HTR6: variants seen among roughly 807,000 people sequenced by gnomAD.
The protein encoded by HTR6 is 5-hydroxytryptamine receptor 6.
Under a neutral mutation model 17.4 loss-of-function variants are expected in HTR6, and 15 were observed. The ratio of observed to expected loss-of-function variants is 0.86; its 90% confidence interval spans 0.58 to 1.33. The LOEUF is 1.33. Among genes scored for constraint, HTR6 ranks in the 40% most tolerant of loss-of-function variants. HTR6 has a pLI of 0.00. For synonymous variants in HTR6, 326 were observed against 295.5 expected (o/e 1.10, Z -1.06); for missense variants, 578 against 616.0 (o/e 0.94, Z 0.65).
rs2095097879 is a variant in HTR6, at chr1:19,678,941, C to A, written c.896C>A (p.Pro299Gln). 3.7e-6 allele frequency: 6 copies of A among 1,612,202 alleles called. No homozygotes were observed. Among genetic ancestry groups the A allele is most frequent in the Non-Finnish European group, 5.1e-6 (6 of 1,178,726 alleles). The stretch of plus-strand genomic sequence containing the variant: ...CAGGCCGTGTGCGACTGCATCTCCC[C>A]AGGCCTCTTCGATGTCCTCACATGG... ...IVQAVCDCIS[P>Q]GLFDVLTWLG... The change falls in exon 3 of 3, where the codon CCA becomes CAA. Residue 299 changes from proline to glutamine, a missense_variant. Transcript: ENST00000289753.
At position 19,678,916 on chromosome 1, in the gene HTR6, C is replaced by A. The variant is rs200855338; in HGVS notation, c.874-3C>A. Reference sequence around the variant, plus strand: ...CCAGGCATGATGCATCCCCTCCCCCCAGGCCGTGTGCGACTGCATCTCCCC... The same window carrying A: ...CCAGGCATGATGCATCCCCTCCCCCAAGGCCGTGTGCGACTGCATCTCCCC... On this transcript the variant is annotated splice_region_variant and splice_polypyrimidine_tract_variant and intron_variant, in intron 2 of 2. Coordinates refer to ENST00000289753, the MANE Select transcript of HTR6 (RefSeq NM_000871.3). The A allele has an allele frequency of 5.7e-6, 9 of 1,591,290 alleles. No individual in the cohort carries two copies. Among genetic ancestry groups the A allele is most frequent in the East Asian group, 2.2e-5 (1 of 44,498 alleles).
Position 19,679,569 on chromosome 1 carries a change from G to A in HTR6, c.*201G>A. The A allele has an allele frequency of 1.4e-6, 1 of 712,598 alleles. No individual in the cohort carries two copies. The highest frequency in any genetic ancestry group is 2.2e-6 in the Non-Finnish European group (1 of 453,134). 44.1% of individuals were successfully genotyped at this position (712,598 alleles called of 1,614,324 possible). ...GGATCATAGCTGACTCAGATATCGT[G>A]TTCTGAAGGATGCTCCACTGTTGAG... On this transcript the variant is annotated 3_prime_UTR_variant, in exon 3 of 3. Coordinates refer to ENST00000289753, the MANE Select transcript of HTR6 (RefSeq NM_000871.3). The surrounding 1 kb of genome is among the most constrained non-coding windows in gnomAD (Gnocchi z 4.9).
chr1:19,672,092 A>G (rs551717150), intron 1 of HTR6, among the ~76,000 whole-genome samples: 13 of 151,760 alleles, frequency 8.6e-5, no homozygotes, highest in Admixed American at 3.9e-4. Context: ...GAGATGCAGC[A>G]TGGGCCACTG....
In HTR6 at chr1:19,680,917, A is replaced by G. The variant is rs2095101742; in HGVS notation, c.*1549A>G. Among the ~76,000 whole-genome samples the G allele has an allele frequency of 6.6e-6, 1 of 152,048 alleles. No homozygotes were observed. Among genetic ancestry groups the G allele is most frequent in the Non-Finnish European group, 1.5e-5 (1 of 68,000 alleles). The stretch of plus-strand genomic sequence containing the variant: ...CCATGGTGCTTGCGGGGCTTCCCCT[A>G]TCCCCCAGGTCTGCCCAAGGGGACT... On this transcript the variant is annotated 3_prime_UTR_variant, in exon 3 of 3. Transcript: ENST00000289753.
chr1:19,674,846 T>C (rs961334566), intron 1 of HTR6, among the ~76,000 whole-genome samples: 3 of 152,254 alleles, frequency 2.0e-5, no homozygotes, highest in African/African-American at 7.2e-5. Context: ...TGTGTGATTG[T>C]TGGCTGGAAG....
Position 19,678,911 on chromosome 1 carries a change from C to T in HTR6, c.874-8C>T, listed in dbSNP as rs1192682600. ...TGGGACCAGGCATGATGCATCCCCT[C>T]CCCCCAGGCCGTGTGCGACTGCATC... On this transcript the variant is annotated splice_region_variant and splice_polypyrimidine_tract_variant and intron_variant, in intron 2 of 2. Transcript: ENST00000289753. The T allele has an allele frequency of 3.2e-6, 5 of 1,584,042 alleles. No individual in the cohort carries two copies. Among genetic ancestry groups the T allele is most frequent in the African/African-American group, 2.7e-5 (2 of 74,490 alleles).
At chr1:19,671,785 A>G (rs554223275) in intron 1 of HTR6, among the ~76,000 whole-genome samples, 1 of 152,208 alleles carries the variant, frequency 6.6e-6, no homozygotes, top group South Asian at 2.1e-4. Flanking sequence ...TGAGCATTTC[A>G]TCCCCTCTCC....
Position 19,666,454 on chromosome 1 carries a change from C to T in HTR6, c.701C>T (p.Ser234Leu), listed in dbSNP as rs2100467220. ...SLTTGMASQA[S>L]ETLQVPRTPR... ...ACCACCGGCATGGCCAGTCAGGCCT[C>T]GGAGACGCTGCAGGTACCTGGGGTG... Residue 234 changes from serine to leucine, a missense_variant, in exon 1 of 3, where the codon TCG becomes TTG. Physicochemically the swap from Ser to Leu is moderately radical, Grantham distance 145. Transcript: ENST00000289753. The surrounding 1 kb of genome is among the most constrained non-coding windows in gnomAD (Gnocchi z 4.5). 4 of 1,608,220 alleles carry T rather than the reference C, an allele frequency of 2.5e-6. No individual in the cohort carries two copies. Among genetic ancestry groups the T allele is most frequent in the Non-Finnish European group, 3.4e-6 (4 of 1,177,910 alleles).
In HTR6 at chr1:19,675,778, T is replaced by G. The variant is rs971985296; in HGVS notation, c.715-2789T>G. 5.3e-5 allele frequency among the ~76,000 whole-genome samples: 8 copies of G among 152,164 alleles called. 2 individuals are homozygous for G. The highest frequency in any genetic ancestry group is 6.5e-5 in the Admixed American group (1 of 15,286). On this transcript the variant is annotated intron_variant, in intron 1 of 2. Transcript: ENST00000289753. ...GTCTATTCCCATTGATGGCAGCAAT[T>G]TGAAGGTGTGGCAGGTCTTAGGAGA...
Position 19,678,967 on chromosome 1 carries a change from C to A in HTR6, c.922C>A (p.Leu308Met), listed in dbSNP as rs1015309637. The A allele has an allele frequency of 1.9e-6, 3 of 1,614,042 alleles. No individual in the cohort carries two copies. The highest frequency in any genetic ancestry group is 1.7e-5 in the Admixed American group (1 of 60,020). Reference sequence around the variant, plus strand: ...AGGCCTCTTCGATGTCCTCACATGGCTGGGTTACTGTAACAGCACCATGAA... The same window carrying A: ...AGGCCTCTTCGATGTCCTCACATGGATGGGTTACTGTAACAGCACCATGAA... ...SPGLFDVLTW[L>M]GYCNSTMNPI... The change falls in exon 3 of 3, where the codon CTG becomes ATG. Residue 308 changes from leucine to methionine, a missense_variant. Transcript: ENST00000289753.
intron 1 of HTR6, among the ~76,000 whole-genome samples, chr1:19,668,553 C>T (rs2095084298): frequency 6.6e-6 from 1 of 152,106 alleles, no homozygotes; most frequent in Non-Finnish European, 1.5e-5. Flanking sequence ...CCTCTTCCAC[C>T]ACCACCTCCA....
intron 1 of HTR6, among the ~76,000 whole-genome samples, chr1:19,672,900 C>T (rs2095089897): frequency 6.6e-6 from 1 of 152,286 alleles, no homozygotes; most frequent in South Asian, 2.1e-4. Flanking sequence ...GGCCTGGTGG[C>T]ACATACCTTT....
rs959036260 is a variant in HTR6 at position 19,666,438 on chromosome 1, A to T, written c.685A>T (p.Met229Leu). 5.0e-6 allele frequency: 8 copies of T among 1,611,876 alleles called. No individual in the cohort carries two copies. Among genetic ancestry groups the T allele is most frequent in the Non-Finnish European group, 6.8e-6 (8 of 1,179,334 alleles). The change falls in exon 1 of 3, where the codon ATG becomes TTG. Residue 229 changes from methionine to leucine, a missense_variant. Transcript: ENST00000289753. This position sits in a 1 kb window ranked among gnomAD's most constrained non-coding sequence, Gnocchi z 4.5. ...AVQVASLTTG[M>L]ASQASETLQV... is the part of the protein sequence containing the mutation. ...GCAGGTGGCCTCCCTCACCACCGGCATGGCCAGTCAGGCCTCGGAGACGCT... is the reference window on the plus strand; with the variant it reads ...GCAGGTGGCCTCCCTCACCACCGGCTTGGCCAGTCAGGCCTCGGAGACGCT...
rs1254870273 is a variant in HTR6 at position 19,679,132 on chromosome 1, G to A, written c.1087G>A (p.Gly363Ser). 3.7e-6 allele frequency: 6 copies of A among 1,610,550 alleles called. No homozygotes were observed. The highest frequency in any genetic ancestry group is 1.6e-4 in the Middle Eastern group (1 of 6,076). Residue 363 changes from glycine to serine, a missense_variant, in exon 3 of 3, where the codon GGC becomes AGC. Physicochemically the swap from Gly to Ser is moderately conservative, Grantham distance 56. Transcript: ENST00000289753. The surrounding 1 kb of genome is among the most constrained non-coding windows in gnomAD (Gnocchi z 4.9). The stretch of plus-strand genomic sequence containing the variant: ...CACCTCTCACAGCGGCCCCCGGCCC[G>A]GCCTTAGCCTACAGCAGGTGCTGCC... ...LRTSHSGPRP[G>S]LSLQQVLPLP...
chr1:19,677,512 T>C (rs1422956277), intron 1 of HTR6, among the ~76,000 whole-genome samples: 2 of 152,258 alleles, frequency 1.3e-5, no homozygotes, highest in East Asian at 1.9e-4. Context: ...AGCTATAAAA[T>C]GCCAAGGTAA....
At chr1:19,671,118 C>T (rs1010319601) in intron 1 of HTR6, among the ~76,000 whole-genome samples, 3 of 152,084 alleles carry the variant, frequency 2.0e-5, no homozygotes, top group African/African-American at 7.2e-5. Flanking sequence ...AACTGTACCA[C>T]GATGAGGATT....
At chr1:19,671,028 T>C (rs1380286901) in intron 1 of HTR6, among the ~76,000 whole-genome samples, 1 of 152,120 alleles carries the variant, frequency 6.6e-6, no homozygotes, top group East Asian at 1.9e-4. Flanking sequence ...TTCTAGGCTG[T>C]GTATGTAGTG....
intron 1 of HTR6, among the ~76,000 whole-genome samples, chr1:19,671,082 G>C (rs2100471151): frequency 6.6e-6 from 1 of 152,314 alleles, no homozygotes; most frequent in East Asian, 1.9e-4. Flanking sequence ...ATCTGTTCTA[G>C]TTAGGAGTAC....
intron 1 of HTR6, among the ~76,000 whole-genome samples, chr1:19,668,118 G>A (rs2095083800): frequency 6.6e-6 from 1 of 152,240 alleles, no homozygotes; most frequent in Admixed American, 6.5e-5. Flanking sequence ...CTGCCGCCCA[G>A]CTCCTTCTCC....
Sources: gnomAD v4.1 joint callset for allele counts (sites outside exome capture counted in the v4.1 genomes callset) on GRCh38, gnomAD v4.1.1 for gene constraint, Gnocchi (gnomAD v3.1) non-coding constraint, MANE v1.5 for transcripts, NCBI Gene and HGNC (gene_info 2026-07-23, HGNC 2026-07-21) for gene names.